SERTAD1: variants seen among roughly 807,000 people sequenced by gnomAD.
SERTAD1 encodes the protein SERTA domain-containing protein 1.
Under a neutral mutation model 11.7 loss-of-function variants are expected in SERTAD1, and 5 were observed. The observed-to-expected ratio is 0.43, with a 90% confidence interval of 0.22 to 0.90. The LOEUF (loss-of-function observed/expected upper bound fraction) is 0.90, where lower values mean the gene tolerates loss of function less well. SERTAD1 is among the 40% of genes least tolerant of loss of function. SERTAD1 has a pLI of 0.27. For synonymous variants in SERTAD1, 139 were observed against 141.4 expected, an observed-to-expected ratio of 0.98 and a Z score of 0.12; for missense variants, 287 against 313.9, an observed-to-expected ratio of 0.91 and a Z score of 0.65.
Position 40,423,085 on chromosome 19 carries a change from G to T in SERTAD1, c.462C>A (p.Ala154=). Residue 154 remains alanine (A), a synonymous_variant, in exon 2 of 2, where the codon GCC becomes GCA. Coordinates refer to ENST00000357949, the MANE Select transcript of SERTAD1 (RefSeq NM_013376.4). ...SIGGAAPSLG[A]LDLLGPATGC... is the part of the protein sequence containing the mutation. ...CAGTGGCTGGGCCCAGCAGGTCCAA[G>T]GCACCCAGGCTGGGCGCTGCTCCCC... 6.3e-7 allele frequency: 1 copy of T among 1,588,500 alleles called. No individual in the cohort carries two copies. The highest frequency in any genetic ancestry group is 1.8e-5 in the Admixed American group (1 of 55,746).
rs1199938055 is a variant in SERTAD1, at chr19:40,421,857, A to C, written c.*979T>G. 2.0e-5 allele frequency: 3 copies of C among 152,022 alleles called. No homozygotes were observed. Among genetic ancestry groups the C allele is most frequent in the Non-Finnish European group, 4.4e-5 (3 of 68,048 alleles). 9.4% of individuals were successfully genotyped at this position (152,022 alleles called of 1,614,324 possible). On this transcript the variant is annotated 3_prime_UTR_variant, in exon 2 of 2. Transcript: ENST00000357949. ...AAGAAAAGAAATAAAATTTAAGAAA[A>C]AAAAAAAAAGGCCAGGCACAGTGGC...
intron 1 of SERTAD1, among the ~76,000 whole-genome samples, chr19:40,424,901 G>A (rs781430316): frequency 6.6e-5 from 10 of 152,162 alleles, no homozygotes; most frequent in Non-Finnish European, 1.2e-4. Flanking sequence ...AGTGTGGTGG[G>A]CAGTCATTAA....
intron 1 of SERTAD1, among the ~76,000 whole-genome samples, chr19:40,425,078 G>A (rs1370247354): frequency 6.6e-6 from 1 of 152,180 alleles, no homozygotes. Flanking sequence ...GCCTGGAGTA[G>A]GAGCTGGTAG....
At chr19:40,424,287 TGAG>T (rs1327563297) in intron 1 of SERTAD1, among the ~76,000 whole-genome samples, 8 of 151,984 alleles carry the variant, frequency 5.3e-5, no homozygotes, top group Non-Finnish European at 1.2e-4. Context: ...CCCAAAGTAC[TGAG>T]ATTACAAGTG....
rs1391852777 is a variant in SERTAD1, at chr19:40,421,702, C to G, written c.*1134G>C. The G allele has an allele frequency of 6.6e-6, 1 of 152,134 alleles. No individual in the cohort carries two copies. Among genetic ancestry groups the G allele is most frequent in the Non-Finnish European group, 1.5e-5 (1 of 68,056 alleles). 9.4% of individuals were successfully genotyped at this position (152,134 alleles called of 1,614,324 possible). ...TCCTTGGAGAGGATCTGTCCAGGGT[C>G]CAGGTTTTGTGTTTTTATTTCGGGA... On this transcript the variant is annotated 3_prime_UTR_variant, in exon 2 of 2. Coordinates refer to ENST00000357949, the MANE Select transcript of SERTAD1 (RefSeq NM_013376.4).
At position 40,423,013 on chromosome 19, in the gene SERTAD1, G is replaced by A; in HGVS notation, c.534C>T (p.Asp178=). The A allele has an allele frequency of 6.3e-7, 1 of 1,578,852 alleles. No homozygotes were observed. Among genetic ancestry groups the A allele is most frequent in the Non-Finnish European group, 8.6e-7 (1 of 1,161,542 alleles). ...DGLEGLFEDI[D]TSMYDNELWA... ...AAAGTTCATTGTCATACATAGAGGTGTCAATATCCTCAAACAGGCCCTCAA... is the reference window on the plus strand; with the variant it reads ...AAAGTTCATTGTCATACATAGAGGTATCAATATCCTCAAACAGGCCCTCAA... Residue 178 remains aspartate (D), a synonymous_variant, in exon 2 of 2, where the codon GAC becomes GAT. Coordinates refer to ENST00000357949, the MANE Select transcript of SERTAD1 (RefSeq NM_013376.4).
At chr19:40,424,341 C>G (rs1396246521) in intron 1 of SERTAD1, among the ~76,000 whole-genome samples, 1 of 151,986 alleles carries the variant, frequency 6.6e-6, no homozygotes, top group Non-Finnish European at 1.5e-5. Context: ...TTAATGATAA[C>G]ATTATTATTT....
rs1337183892 is a variant in SERTAD1 at position 40,425,973 on chromosome 19, G to C, written c.-107C>G. Reference sequence around the variant, plus strand: ...GGCTGTCCTCCGGAAACCCGCGCCTGGGTCGCGAGACGCAGTTCTGACTCC... The same window carrying C: ...GGCTGTCCTCCGGAAACCCGCGCCTCGGTCGCGAGACGCAGTTCTGACTCC... On this transcript the variant is annotated 5_prime_UTR_variant, in exon 1 of 2. Coordinates refer to ENST00000357949, the MANE Select transcript of SERTAD1 (RefSeq NM_013376.4). The C allele has an allele frequency of 6.6e-6, 1 of 152,270 alleles. No homozygotes were observed. Among genetic ancestry groups the C allele is most frequent in the Non-Finnish European group, 1.5e-5 (1 of 68,064 alleles). 9.4% of individuals were successfully genotyped at this position (152,270 alleles called of 1,614,324 possible).
In SERTAD1 at chr19:40,423,124, T is replaced by C; in HGVS notation, c.423A>G (p.Pro141=). 3 of 1,601,450 alleles carry C rather than the reference T, an allele frequency of 1.9e-6. No homozygotes were observed. The highest frequency in any genetic ancestry group is 2.6e-6 in the Non-Finnish European group (3 of 1,174,566). Residue 141 remains proline, a synonymous_variant, in exon 2 of 2, where the codon CCA becomes CCG. Coordinates refer to ENST00000357949, the MANE Select transcript of SERTAD1 (RefSeq NM_013376.4). ...GCGCTGCTCCCCCGATGCTACGGCC[T>C]GGTGGCCCCTCGTCTGCCAAGGGTT... is the stretch of plus-strand genomic sequence containing the variant. ...APQPLADEGP[P]GRSIGGAAPS...
intron 1 of SERTAD1, 94 bp downstream of exon 1, chr19:40,425,773 C>A (rs1459066907): frequency 1.3e-5 from 2 of 152,256 alleles, no homozygotes; most frequent in Non-Finnish European, 2.9e-5. Context: ...TCCCGGGCAG[C>A]CCCGGCGGGC....
intron 1 of SERTAD1, among the ~76,000 whole-genome samples, chr19:40,425,500 T>G (rs1321691235): frequency 6.6e-6 from 1 of 152,020 alleles, no homozygotes. Flanking sequence ...CCAGGACCCC[T>G]TCTACTGCCC....
chr19:40,424,513 C>G (rs1209323846), intron 1 of SERTAD1, among the ~76,000 whole-genome samples: 1 of 152,068 alleles, frequency 6.6e-6, no homozygotes, highest in Non-Finnish European at 1.5e-5. Context: ...TCTACTATGA[C>G]TATGTTTCAA....
In SERTAD1 at chr19:40,422,849, C is replaced by T; in HGVS notation, c.698G>A (p.Gly233Glu). The change falls in exon 2 of 2, where the codon GGG becomes GAG. Residue 233 changes from glycine to glutamate, a missense_variant. Transcript: ENST00000357949. ...VGTQALERPP[G>E]PGR Reference sequence around the variant, plus strand: ...CAGCACGAGGGCTCAGCGCCCTGGCCCCGGCGGTCGCTCCAGTGCCTGTGT... The same window carrying T: ...CAGCACGAGGGCTCAGCGCCCTGGCTCCGGCGGTCGCTCCAGTGCCTGTGT... 6.2e-7 allele frequency: 1 copy of T among 1,600,452 alleles called. No homozygotes were observed. The highest frequency in any genetic ancestry group is 8.5e-7 in the Non-Finnish European group (1 of 1,171,772).
At position 40,422,902 on chromosome 19, in the gene SERTAD1, C is replaced by A; in HGVS notation, c.645G>T (p.Leu215Phe). ...CCACCAGCACATCCATGAGGTAGTCCAATTCGGCCTCGTCCAGCTCCGGAG... is the reference window on the plus strand; with the variant it reads ...CCACCAGCACATCCATGAGGTAGTCAAATTCGGCCTCGTCCAGCTCCGGAG... ...EEAPELDEAE[L>F]DYLMDVLVGT... Residue 215 changes from leucine (L) to phenylalanine (F), a missense_variant, in exon 2 of 2, where the codon TTG becomes TTT. Coordinates refer to ENST00000357949, the MANE Select transcript of SERTAD1 (RefSeq NM_013376.4). The A allele has an allele frequency of 6.2e-7, 1 of 1,613,382 alleles. No individual in the cohort carries two copies.
rs1395845671 is a variant in SERTAD1 at position 40,422,066 on chromosome 19, C to A, written c.*770G>T. 6.6e-6 allele frequency: 1 copy of A among 150,528 alleles called. No individual in the cohort carries two copies. The highest frequency in any genetic ancestry group is 2.4e-5 in the African/African-American group (1 of 40,840). 9.3% of individuals were successfully genotyped at this position (150,528 alleles called of 1,614,324 possible). On this transcript the variant is annotated 3_prime_UTR_variant, in exon 2 of 2. Transcript: ENST00000357949. The stretch of plus-strand genomic sequence containing the variant: ...GTTTGAACCTGGGAGGTGGAGGTTG[C>A]AGTGAGCCGAAGTCACGCCACTGCA...
In SERTAD1 at chr19:40,422,877, C is replaced by T. The variant is rs753209821; in HGVS notation, c.670G>A (p.Gly224Ser). Residue 224 changes from glycine (G) to serine (S), a missense_variant, in exon 2 of 2, where the codon GGC becomes AGC. Transcript: ENST00000357949. ...ELDYLMDVLV[G>S]TQALERPPGP... ...GGCGGTCGCTCCAGTGCCTGTGTGC[C>T]CACCAGCACATCCATGAGGTAGTCC... 1 of 1,612,218 alleles carries T rather than the reference C, an allele frequency of 6.2e-7. No individual in the cohort carries two copies.
chr19:40,422,705 A>G lies in SERTAD1; in HGVS notation c.*131T>C, dbSNP rs2079602324. The G allele has an allele frequency of 9.8e-7, 1 of 1,018,854 alleles. No homozygotes were observed. The allele number at this position is 1,018,854 out of a possible 1,614,324, so 63.1% of individuals were successfully genotyped here. The stretch of plus-strand genomic sequence containing the variant: ...GACGGATGTGAAGTTGCCCAGGACT[A>G]GATTCTGTCTCTCCAAAGTGGCCCA... On this transcript the variant is annotated 3_prime_UTR_variant, in exon 2 of 2. Coordinates refer to ENST00000357949, the MANE Select transcript of SERTAD1 (RefSeq NM_013376.4).
In SERTAD1 at chr19:40,423,132, C is replaced by A; in HGVS notation, c.415G>T (p.Gly139Trp). The A allele has an allele frequency of 6.2e-7, 1 of 1,602,454 alleles. No homozygotes were observed. The highest frequency in any genetic ancestry group is 1.7e-5 in the Admixed American group (1 of 58,224). The change falls in exon 2 of 2, where the codon GGG (glycine) becomes TGG (tryptophan). Residue 139 changes from glycine (G) to tryptophan (W), a missense_variant. Physicochemically the swap from Gly to Trp is radical, Grantham distance 184. Transcript: ENST00000357949. ...CCCCCGATGCTACGGCCTGGTGGCC[C>A]CTCGTCTGCCAAGGGTTGGGGAGCC... ...SQAPQPLADE[G>W]PPGRSIGGAA...
intron 1 of SERTAD1, 82 bp from the exon 2 acceptor site, chr19:40,423,628 T>A: frequency 1.1e-6 from 1 of 915,092 alleles, no homozygotes; most frequent in Non-Finnish European, 1.6e-6. Flanking sequence ...TGACAGTTGC[T>A]GCAGGTAGGA....
Sources: allele counts gnomAD v4.1 joint callset (sites outside exome capture counted in the v4.1 genomes callset), GRCh38; gene constraint gnomAD v4.1.1; transcripts MANE v1.5; gene names NCBI Gene and HGNC (gene_info 2026-07-23, HGNC 2026-07-21).